Variants in LRBA observed in about 807,000 individuals in gnomAD.
LRBA encodes LPS responsive beige-like anchor protein.
A neutral mutation model predicts 330.0 loss-of-function variants in LRBA; 176 were observed. That is an observed-to-expected ratio of 0.53 (90% CI 0.47 to 0.60). The LOEUF (loss-of-function observed/expected upper bound fraction) is 0.60. Ranked by LOEUF, LRBA falls within the 20% of genes least tolerant of loss-of-function variation. The pLI is 0.00. For missense variants in LRBA, 3,259 were observed against 3,444.8 expected, an observed-to-expected ratio of 0.95 and a Z score of 1.35; for synonymous variants, 1,230 against 1,193.0, an observed-to-expected ratio of 1.03 and a Z score of -0.64.
intron 47 of LRBA, among the ~76,000 whole-genome samples, chr4:150,374,323 A>T (rs1740905028): frequency 1.3e-5 from 2 of 152,210 alleles, no homozygotes; most frequent in South Asian, 4.1e-4. Flanking sequence ...TGCTCAAGTT[A>T]TGGCTAATGA....
At chr4:150,597,909 T>A (rs1163171349) in intron 38 of LRBA, among the ~76,000 whole-genome samples, 1 of 152,142 alleles carries the variant, frequency 6.6e-6, no homozygotes, top group Admixed American at 6.5e-5. Flanking sequence ...ATTCTCTGTA[T>A]GATCATTTAT....
chr4:150,995,990 T>A (rs1579439989), intron 2 of LRBA, among the ~76,000 whole-genome samples: 1 of 151,154 alleles, frequency 6.6e-6, no homozygotes, highest in East Asian at 1.9e-4. Context: ...AAGGAAGACA[T>A]CTGGGTCTTG....
chr4:150,401,276 T>C (rs570289184), intron 47 of LRBA, among the ~76,000 whole-genome samples: 3 of 152,220 alleles, frequency 2.0e-5, no homozygotes, highest in African/African-American at 7.2e-5. Context: ...AATAAACGTA[T>C]GTTGTTTAAG....
intron 13 of LRBA, among the ~76,000 whole-genome samples, chr4:150,901,291 C>T (rs910307001): frequency 2.1e-5 from 2 of 93,808 alleles, no homozygotes; most frequent in Non-Finnish European, 6.2e-5. Context: ...AGAGACCCTG[C>T]CTCAAAAAAA....
chr4:150,521,292 G>A (rs1448301495), intron 40 of LRBA, among the ~76,000 whole-genome samples: 1 of 151,954 alleles, frequency 6.6e-6, no homozygotes, highest in Admixed American at 6.6e-5. Flanking sequence ...ATGAGCCTCA[G>A]ATATTTGATT....
chr4:150,875,338 T>C (rs1441603648), intron 17 of LRBA, among the ~76,000 whole-genome samples: 1 of 152,040 alleles, frequency 6.6e-6, no homozygotes, highest in African/African-American at 2.4e-5. Flanking sequence ...GGATTAGGAG[T>C]TTAGGCCATC....
chr4:150,608,864 TTG>T (rs1393023856), intron 37 of LRBA, among the ~76,000 whole-genome samples: 1 of 152,242 alleles, frequency 6.6e-6, no homozygotes, highest in African/African-American at 2.4e-5. Context: ...ATATGTAGAA[TTG>T]TGTGACTGGC....
chr4:150,370,762 G>A (rs962383099), intron 47 of LRBA, among the ~76,000 whole-genome samples: 1 of 152,128 alleles, frequency 6.6e-6, no homozygotes, highest in Non-Finnish European at 1.5e-5. Flanking sequence ...ACTGAGATGA[G>A]GAATAGTAAG....
In LRBA at chr4:150,282,459, A is replaced by G. The variant is rs767077628; in HGVS notation, c.8307T>C (p.Asp2769=). The G allele has an allele frequency of 1.2e-6, 2 of 1,614,050 alleles. No individual in the cohort carries two copies. Among genetic ancestry groups the G allele is most frequent in the Non-Finnish European group, 1.7e-6 (2 of 1,179,918 alleles). ...TCCCCAGGGCACTCACTCTTATGTT[A>G]TCATCTGTTTCCATCGTGGCCTGGA... ...GKLQATMETD[D]NIRAIQLSRD... Residue 2769 remains aspartate (D), a synonymous_variant, in exon 55 of 57, where the codon GAT becomes GAC. Transcript: ENST00000651943.
chr4:150,817,746 C>T (rs1413630336), intron 30 of LRBA, among the ~76,000 whole-genome samples: 1 of 151,446 alleles, frequency 6.6e-6, no homozygotes, highest in Non-Finnish European at 1.5e-5. Context: ...TATAAAAAAG[C>T]AATGCATAGG....
intron 2 of LRBA, among the ~76,000 whole-genome samples, chr4:151,009,179 A>T (rs1422740594): frequency 6.6e-6 from 1 of 150,648 alleles, no homozygotes; most frequent in Non-Finnish European, 1.5e-5. Context: ...TCAAATTTTC[A>T]AATATAGAGT....
At chr4:150,807,605 C>T (rs1228002714) in intron 32 of LRBA, among the ~76,000 whole-genome samples, 1 of 150,480 alleles carries the variant, frequency 6.6e-6, no homozygotes, top group African/African-American at 2.4e-5. Context: ...CTTTGGCTGA[C>T]TGGCTATCAC....
intron 30 of LRBA, among the ~76,000 whole-genome samples, chr4:150,820,659 C>T (rs940021357): frequency 6.6e-6 from 1 of 151,928 alleles, no homozygotes; most frequent in African/African-American, 2.4e-5. Flanking sequence ...CTTAAGGCTA[C>T]ACAAAATCAA....
intron 30 of LRBA, among the ~76,000 whole-genome samples, chr4:150,825,972 A>G (rs1224572077): frequency 6.6e-6 from 1 of 152,068 alleles, no homozygotes. Flanking sequence ...GGAGGCAAAA[A>G]AACAAACAAA....
intron 36 of LRBA, among the ~76,000 whole-genome samples, chr4:150,695,779 GAGTT>G (rs1285740812): frequency 2.0e-5 from 3 of 152,132 alleles, no homozygotes; most frequent in African/African-American, 7.2e-5. Flanking sequence ...ATCTGCAAAA[GAGTT>G]AGATGATCTT....
chr4:150,544,837 C>T (rs533601906), intron 40 of LRBA, among the ~76,000 whole-genome samples: 1 of 152,244 alleles, frequency 6.6e-6, no homozygotes, highest in African/African-American at 2.4e-5. Flanking sequence ...TCTCTTCCAT[C>T]GTTATAAATT....
At chr4:150,524,163 C>T (rs1197476435) in intron 40 of LRBA, among the ~76,000 whole-genome samples, 1 of 152,120 alleles carries the variant, frequency 6.6e-6, no homozygotes, top group Non-Finnish European at 1.5e-5. Context: ...TTATAGTCTC[C>T]TACAAGCACT....
intron 42 of LRBA, among the ~76,000 whole-genome samples, chr4:150,474,398 C>T (rs1164151192): frequency 6.6e-6 from 1 of 152,132 alleles, no homozygotes; most frequent in African/African-American, 2.4e-5. Context: ...TGAATTCCCT[C>T]AGTATTTTGA....
At chr4:150,632,951 C>A (rs1777534882) in intron 37 of LRBA, among the ~76,000 whole-genome samples, 1 of 152,162 alleles carries the variant, frequency 6.6e-6, no homozygotes, top group Non-Finnish European at 1.5e-5. Context: ...CCTTTTCTCA[C>A]CCTATATTCT....
Sources: gnomAD v4.1 joint callset for allele counts (sites outside exome capture counted in the v4.1 genomes callset) on GRCh38, gnomAD v4.1.1 for gene constraint, MANE v1.5 for transcripts, NCBI Gene and HGNC (gene_info 2026-07-23, HGNC 2026-07-21) for gene names.